The following KTN1 variants were observed in gnomAD, a reference collection of about 807,000 sequenced individuals.
KTN1 encodes kinectin.
A neutral mutation model predicts 222.5 loss-of-function variants in KTN1; 130 were observed. The ratio of observed to expected loss-of-function variants is 0.58; its 90% confidence interval spans 0.51 to 0.68. KTN1 has a LOEUF of 0.68. Ranked by LOEUF, KTN1 falls within the 30% of genes least tolerant of loss-of-function variation. The pLI is 0.00. For synonymous variants in KTN1, 512 were observed against 496.3 expected, an observed-to-expected ratio of 1.03 and a Z score of -0.42; for missense variants, 1,508 against 1,500.4, an observed-to-expected ratio of 1.01 and a Z score of -0.08.
At chr14:55,642,900 G>T (rs1178913202) in intron 18 of KTN1, among the ~76,000 whole-genome samples, 1 of 151,776 alleles carries the variant, frequency 6.6e-6, no homozygotes, top group Non-Finnish European at 1.5e-5. Flanking sequence ...GGCATTTAAG[G>T]CTTATTCTTT....
Position 55,580,253 on chromosome 14 carries a change from T to TGCGGCG in KTN1, c.-110_-105dup, listed in dbSNP as rs534439479. 333 of 153,924 alleles carry TGCGGCG rather than the reference T, an allele frequency of 2.2e-3. 4 individuals are homozygous for TGCGGCG. Among genetic ancestry groups the TGCGGCG allele is most frequent in the African/African-American group, 5.6e-3 (229 of 40,842 alleles). The allele number at this position is 153,924 out of a possible 1,614,324, so 9.5% of individuals were successfully genotyped here. ...AGCGGCGCGACGGCACCTGAGCGACTGCGGCGGCGGCGGCGGCGGCGGCGG... is the reference window on the plus strand; with the variant it reads ...AGCGGCGCGACGGCACCTGAGCGACTGCGGCGGCGGCGGCGGCGGCGGCGGCGGCGG... On this transcript the variant is annotated 5_prime_UTR_variant, in exon 1 of 44. Coordinates refer to ENST00000395314, the MANE Select transcript of KTN1 (RefSeq NM_001079521.2).
Position 55,684,124 on chromosome 14 carries a change from T to C in KTN1, c.*21T>C, listed in dbSNP as rs538657591. 64 of 1,593,264 alleles carry C rather than the reference T, an allele frequency of 4.0e-5. 1 individual carries two copies. The South Asian group carries it at 6.5e-4, about 16-fold the overall frequency. ...AGTGAAGTAATTGGGAAACTGTTCA[T>C]TTGAGGATAAAAAAGGCATTGTATT... On this transcript the variant is annotated 3_prime_UTR_variant, in exon 44 of 44. Coordinates refer to ENST00000395314, the MANE Select transcript of KTN1 (RefSeq NM_001079521.2).
chr14:55,657,771 G>A (rs188463988), intron 29 of KTN1, among the ~76,000 whole-genome samples: 6 of 151,964 alleles, frequency 3.9e-5, no homozygotes, highest in Admixed American at 6.6e-5. Flanking sequence ...AAAATTAGCC[G>A]GGCATGGTGG....
chr14:55,670,203 T>C (rs182622641), intron 34 of KTN1, among the ~76,000 whole-genome samples: 1 of 152,176 alleles, frequency 6.6e-6, no homozygotes, highest in Admixed American at 6.5e-5. Flanking sequence ...ATTTCCTAAT[T>C]TGAATGAAAT....
chr14:55,612,421 C>T lies in KTN1; in HGVS notation c.373C>T (p.Leu125Phe), dbSNP rs748916844. 2.4e-5 allele frequency: 39 copies of T among 1,613,930 alleles called. No individual in the cohort carries two copies. The highest frequency in any genetic ancestry group is 3.2e-5 in the Non-Finnish European group (38 of 1,179,998). Reference sequence around the variant, plus strand: ...GAAGGAAAAGAAACAAAAGCCTGTGCTTGAAGAGCAGGTCATCAAAGAAAG... The same window carrying T: ...GAAGGAAAAGAAACAAAAGCCTGTGTTTGAAGAGCAGGTCATCAAAGAAAG... ...KKKEKKQKPV[L>F]EEQVIKESDA... The change falls in exon 2 of 44, where the codon CTT (leucine) becomes TTT (phenylalanine). Residue 125 changes from leucine (L) to phenylalanine (F), a missense_variant. Physicochemically the swap from Leu to Phe is conservative, Grantham distance 22. Coordinates refer to ENST00000395314, the MANE Select transcript of KTN1 (RefSeq NM_001079521.2).
chr14:55,598,163 C>T (rs1201148207), intron 1 of KTN1, among the ~76,000 whole-genome samples: 2 of 151,790 alleles, frequency 1.3e-5, no homozygotes, highest in African/African-American at 4.8e-5. Flanking sequence ...CGGCAGGGCG[C>T]GGTGGCTCAC....
At chr14:55,670,872 G>A in intron 35 of KTN1, 63 bp downstream of exon 35, 2 of 1,095,434 alleles carry the variant, frequency 1.8e-6, no homozygotes, top group Non-Finnish European at 2.7e-6. Flanking sequence ...ATAAGATTTT[G>A]TCTTCATAAG....
chr14:55,644,132 C>T, intron 18 of KTN1: 1 of 367,756 alleles, frequency 2.7e-6, no homozygotes, highest in Non-Finnish European at 4.9e-6. Context: ...TTCATCTTGG[C>T]AGACAAAGAA....
intron 1 of KTN1, among the ~76,000 whole-genome samples, chr14:55,581,446 TGTGTGTGTGTGTGA>T (rs906144088): frequency 1.1e-4 from 16 of 151,758 alleles, no homozygotes; most frequent in African/African-American, 3.1e-4. Flanking sequence ...TGTTAAGGTG[TGTGTGTGTGTGTGA>T]GTGTGTGTGT....
intron 40 of KTN1, 155 bp from the exon 41 acceptor site, chr14:55,675,680 G>T: frequency 1.9e-6 from 1 of 522,066 alleles, no homozygotes; most frequent in Non-Finnish European, 3.4e-6. Context: ...AACCTCTACT[G>T]CTTAGCCTTT....
Position 55,649,786 on chromosome 14 carries a change from C to T in KTN1, c.2378C>T (p.Ala793Val). Residue 793 changes from alanine to valine, a missense_variant, in exon 22 of 44, where the codon GCC becomes GTC. Physicochemically the swap from Ala to Val is moderately conservative, Grantham distance 64. Transcript: ENST00000395314. The part of the protein sequence containing the change: ...KAKQNDQVSF[A>V]SLVEELKKVI... ...CTTTCCTATTTCCAGGTTTCTTTTGCCTCTCTAGTTGAAGAACTTAAGAAA... is the reference window on the plus strand; with the variant it reads ...CTTTCCTATTTCCAGGTTTCTTTTGTCTCTCTAGTTGAAGAACTTAAGAAA... 6.6e-7 allele frequency: 1 copy of T among 1,518,780 alleles called. No individual in the cohort carries two copies. The highest frequency in any genetic ancestry group is 2.3e-5 in the East Asian group (1 of 43,168). 94.1% of individuals were successfully genotyped at this position (1,518,780 alleles called of 1,614,324 possible).
At chr14:55,655,939 G>C (rs2043422796) in intron 28 of KTN1, 103 bp from the exon 29 acceptor site, 1 of 591,706 alleles carries the variant, frequency 1.7e-6, no homozygotes, top group African/African-American at 1.9e-5. Context: ...AAAAAAGCTG[G>C]TATGTATTGT....
At chr14:55,609,393 G>T (rs373408509) in intron 1 of KTN1, among the ~76,000 whole-genome samples, 1 of 152,098 alleles carries the variant, frequency 6.6e-6, no homozygotes, top group African/African-American at 2.4e-5. Flanking sequence ...GTCTAGTTAG[G>T]TTCCTCTAAA....
intron 1 of KTN1, among the ~76,000 whole-genome samples, chr14:55,582,660 A>G (rs1014587444): frequency 1.3e-5 from 2 of 152,202 alleles, no homozygotes; most frequent in African/African-American, 4.8e-5. Context: ...TATAATTTTT[A>G]TAGCAAATGA....
Position 55,641,112 on chromosome 14 carries a change from T to C in KTN1, c.2022-15T>C. ...AATGTATGAAGTATTTTAATTTTTTTTTTCACCCTCATAGTGTTTATGTTA... is the reference window on the plus strand; with the variant it reads ...AATGTATGAAGTATTTTAATTTTTTCTTTCACCCTCATAGTGTTTATGTTA... On this transcript the variant is annotated splice_polypyrimidine_tract_variant and intron_variant, in intron 16 of 43. Transcript: ENST00000395314. The C allele has an allele frequency of 6.4e-7, 1 of 1,555,800 alleles. No homozygotes were observed. Among genetic ancestry groups the C allele is most frequent in the Non-Finnish European group, 8.8e-7 (1 of 1,142,562 alleles).
chr14:55,630,449 C>CTA lies in KTN1; in HGVS notation c.1221+352_1221+353insTA, dbSNP rs1162117814. On this transcript the variant is annotated intron_variant, in intron 7 of 43. Transcript: ENST00000395314. ...TCAAGTAAGAGAGTAAAGAAATGGG[C>CTA]ACTGAGGATAAGAGTTACTTGGTGT... 2.0e-3 allele frequency among the ~76,000 whole-genome samples: 302 copies of CTA among 152,222 alleles called. 1 individual carries two copies. Among genetic ancestry groups the CTA allele is most frequent in the African/African-American group, 6.9e-3 (285 of 41,530 alleles).
At chr14:55,615,757 G>C (rs1207097776) in intron 2 of KTN1, among the ~76,000 whole-genome samples, 2 of 152,052 alleles carry the variant, frequency 1.3e-5, no homozygotes, top group African/African-American at 2.4e-5. Context: ...GGGATGCTGG[G>C]AATTATGGTG....
chr14:55,649,646 G>A (rs2042742268), intron 21 of KTN1, 130 bp from the exon 22 acceptor site: 8 of 601,236 alleles, frequency 1.3e-5, no homozygotes, highest in Middle Eastern at 2.6e-4. Context: ...AAAAAGTCTC[G>A]AAAGAATGCC....
At chr14:55,632,616 A>G (rs2040661502) in intron 7 of KTN1, among the ~76,000 whole-genome samples, 4 of 152,188 alleles carry the variant, frequency 2.6e-5, no homozygotes, top group Non-Finnish European at 5.9e-5. Context: ...AATGGTGGTC[A>G]TGATTACACA....
Sources: gnomAD v4.1 joint callset for allele counts (sites outside exome capture counted in the v4.1 genomes callset) on GRCh38, gnomAD v4.1.1 for gene constraint, MANE v1.5 for transcripts, NCBI Gene and HGNC (gene_info 2026-07-23, HGNC 2026-07-21) for gene names.